Variants in MORC1 observed in about 807,000 individuals in gnomAD.
The protein encoded by MORC1 is MORC family CW-type zinc finger 1, also known as MORC family CW-type zinc finger protein 1.
A neutral mutation model predicts 134.9 loss-of-function variants in MORC1; 59 were observed. The observed-to-expected ratio is 0.44, with a 90% CI of 0.35 to 0.54. MORC1 has a LOEUF of 0.54. MORC1 is among the 20% of genes least tolerant of loss of function. MORC1 has a pLI of 0.00. For missense variants in MORC1, 947 were observed against 1,134.5 expected (o/e 0.83, Z 2.37); for synonymous variants, 395 against 391.7 (o/e 1.01, Z -0.10).
intron 21 of MORC1, among the ~76,000 whole-genome samples, chr3:108,999,261 C>A (rs935335375): frequency 6.6e-6 from 1 of 152,090 alleles, no homozygotes; most frequent in Non-Finnish European, 1.5e-5. Flanking sequence ...TATGTCTGCA[C>A]CTTTTTAACA....
intron 14 of MORC1, among the ~76,000 whole-genome samples, chr3:109,048,948 C>G (rs537015312): frequency 1.3e-5 from 2 of 151,970 alleles, no homozygotes; most frequent in Non-Finnish European, 2.9e-5. Flanking sequence ...GCCTATAACA[C>G]CATAATAAAT....
At chr3:109,032,613 G>C in intron 16 of MORC1, 107 bp downstream of exon 16, 1 of 741,772 alleles carries the variant, frequency 1.3e-6, no homozygotes, top group Non-Finnish European at 2.2e-6. Flanking sequence ...AGAGATACCA[G>C]ATACTAAGCT....
chr3:109,009,633 AT>A (rs1414505169), intron 17 of MORC1, among the ~76,000 whole-genome samples: 1 of 151,956 alleles, frequency 6.6e-6, no homozygotes. Context: ...CCTGAAGCTG[AT>A]TTTTTTTAGA....
At position 109,118,065 on chromosome 3, in the gene MORC1, C is replaced by T; in HGVS notation, c.-6G>A. The T allele has an allele frequency of 6.2e-7, 1 of 1,606,848 alleles. No individual in the cohort carries two copies. The highest frequency in any genetic ancestry group is 8.5e-7 in the Non-Finnish European group (1 of 1,176,912). ...GCAGGGTACCTGTCGTCCATGCCCT[C>T]GAACACGACCCGCGCAACTCAAGGG... On this transcript the variant is annotated 5_prime_UTR_variant, in exon 1 of 28. Transcript: ENST00000232603.
rs766028381 is a variant in MORC1 at position 109,004,821 on chromosome 3, G to A, written c.2081C>T (p.Ala694Val). 3.7e-6 allele frequency: 6 copies of A among 1,612,712 alleles called. No homozygotes were observed. Among genetic ancestry groups the A allele is most frequent in the African/African-American group, 2.7e-5 (2 of 74,830 alleles). Residue 694 changes from alanine (A) to valine (V), a missense_variant, in exon 20 of 28, where the codon GCC becomes GTC. By Grantham distance (64) the Ala-to-Val change is moderately conservative (BLOSUM62 0). This residue lies in a region of MORC1 where 722 missense variants were observed against 817.0 expected (regional missense o/e 0.88). Transcript: ENST00000232603. ...AQPTEGCLKN[A>V]QAASWEMKRK... is the part of the protein sequence containing the mutation. ...AATTTAAAAGCCTTTTCCCACCTGG[G>A]CATTCTTCAGGCACCCTTCAGTTGG...
intron 14 of MORC1, 74 bp downstream of exon 14, chr3:109,054,654 T>A (rs1373577827): frequency 7.8e-7 from 1 of 1,283,566 alleles, no homozygotes; most frequent in African/African-American, 1.5e-5. Context: ...ATTCAGATAA[T>A]CATGTCAGCT....
intron 23 of MORC1, among the ~76,000 whole-genome samples, chr3:108,981,254 G>C (rs1405330119): frequency 6.6e-6 from 1 of 152,064 alleles, no homozygotes; most frequent in Non-Finnish European, 1.5e-5. Context: ...TAAGATCACA[G>C]CTCTAGAGAA....
chr3:109,005,455 T>C (rs1576623108), intron 18 of MORC1, 140 bp from the exon 19 acceptor site: 1 of 755,296 alleles, frequency 1.3e-6, no homozygotes, highest in South Asian at 2.6e-5. Flanking sequence ...TAGAAACAAC[T>C]TTAATAATGT....
intron 24 of MORC1, among the ~76,000 whole-genome samples, chr3:108,976,363 TCTTTATA>T (rs1489371318): frequency 1.3e-5 from 2 of 152,208 alleles, no homozygotes; most frequent in Admixed American, 1.3e-4. Context: ...TCTGAGTATT[TCTTTATA>T]CTTTATACCC....
At chr3:109,039,852 G>A (rs1949468739) in intron 14 of MORC1, among the ~76,000 whole-genome samples, 1 of 152,082 alleles carries the variant, frequency 6.6e-6, no homozygotes, top group Non-Finnish European at 1.5e-5. Context: ...CCTTCTAGCT[G>A]GAGTGAATTC....
Position 108,963,583 on chromosome 3 carries a change from T to C in MORC1, c.2630A>G (p.Tyr877Cys), listed in dbSNP as rs1947140356. 6.4e-7 allele frequency: 1 copy of C among 1,573,428 alleles called. No homozygotes were observed. The highest frequency in any genetic ancestry group is 8.6e-7 in the Non-Finnish European group (1 of 1,161,296). ...NQIQNTYMVQ[Y>C]EKKIKRKLQS... The stretch of plus-strand genomic sequence containing the variant: ...CAATTTCCTCTTTATTTTTTTTTCA[T>C]ATTGGACCATGTAAGTATTCTGTAT... The change falls in exon 27 of 28, where the codon TAT becomes TGT. Residue 877 changes from tyrosine (Y) to cysteine (C), a missense_variant. Around this residue, in one of 3 missense-constraint regions of MORC1, gnomAD observed 722 missense variants for 817.0 expected, o/e 0.88. Coordinates refer to ENST00000232603, the MANE Select transcript of MORC1 (RefSeq NM_014429.4).
At chr3:109,036,701 A>G (rs1056949968) in intron 14 of MORC1, among the ~76,000 whole-genome samples, 1 of 152,202 alleles carries the variant, frequency 6.6e-6, no homozygotes, top group Non-Finnish European at 1.5e-5. Context: ...AGAGATCAGC[A>G]GAGAAAGAAC....
At chr3:109,072,440 C>T (rs550089555) in intron 8 of MORC1, among the ~76,000 whole-genome samples, 4 of 152,272 alleles carry the variant, frequency 2.6e-5, no homozygotes, top group African/African-American at 9.6e-5. Flanking sequence ...TACTTCCCGC[C>T]GTCAAGGCAC....
intron 8 of MORC1, among the ~76,000 whole-genome samples, chr3:109,075,865 T>C (rs941700539): frequency 6.6e-6 from 1 of 152,188 alleles, no homozygotes; most frequent in East Asian, 1.9e-4. Context: ...GGGGATAGCA[T>C]TGAATCTATA....
chr3:109,043,590 GA>G lies in MORC1; in HGVS notation c.1331-8123del, dbSNP rs199867376. The stretch of plus-strand genomic sequence containing the variant: ...CATGTTATATGTATTTCATCATAAT[GA>G]AAAAAAAAGAAAAAAAACACAAAAG... On this transcript the variant is annotated intron_variant, in intron 14 of 27. Coordinates refer to ENST00000232603, the MANE Select transcript of MORC1 (RefSeq NM_014429.4). Among the ~76,000 whole-genome samples, 7 of 149,594 alleles carry G rather than the reference GA, an allele frequency of 4.7e-5. No individual in the cohort carries two copies. The East Asian group carries it at 9.8e-4, about 21-fold the overall frequency.
At chr3:109,113,985 T>C (rs570577137) in intron 2 of MORC1, among the ~76,000 whole-genome samples, 25 of 152,334 alleles carry the variant, frequency 1.6e-4, no homozygotes, top group African/African-American at 5.8e-4. Context: ...CTTATGTATG[T>C]CTGATATATA....
chr3:108,984,986 T>A (rs752768593), intron 22 of MORC1, among the ~76,000 whole-genome samples: 2 of 152,226 alleles, frequency 1.3e-5, no homozygotes, highest in Non-Finnish European at 2.9e-5. Context: ...GTTTATGTAG[T>A]ATATATAGTT....
chr3:109,087,125 C>A (rs1299163019), intron 8 of MORC1, among the ~76,000 whole-genome samples: 2 of 151,854 alleles, frequency 1.3e-5, no homozygotes, highest in Non-Finnish European at 2.9e-5. Flanking sequence ...CATTCCCACT[C>A]CATCCTCTGC....
chr3:109,010,043 C>G (rs529181496), intron 17 of MORC1, among the ~76,000 whole-genome samples: 12 of 152,070 alleles, frequency 7.9e-5, no homozygotes, highest in Non-Finnish European at 1.5e-4. Context: ...ATCTTCTATA[C>G]CAGGGGACAG....
Sources: allele counts gnomAD v4.1 joint callset (sites outside exome capture counted in the v4.1 genomes callset), GRCh38; gene constraint gnomAD v4.1.1; regional missense constraint gnomAD v4.1.1; transcripts MANE v1.5; gene names NCBI Gene and HGNC (gene_info 2026-07-23, HGNC 2026-07-21).